THSD7A: variants seen among roughly 807,000 people sequenced by gnomAD.
THSD7A encodes thrombospondin type 1 domain containing 7A.
In THSD7A, 96 loss-of-function variants were observed where a neutral mutation model predicts 231.3. The observed-to-expected ratio is 0.41, with a 90% CI of 0.35 to 0.49. The LOEUF (loss-of-function observed/expected upper bound fraction) is 0.49, where lower values mean the gene tolerates loss of function less well. Ranked by LOEUF, THSD7A falls within the 20% of genes least tolerant of loss-of-function variation. The pLI is 0.05. For synonymous variants in THSD7A, 940 were observed against 743.3 expected (o/e 1.26, Z -4.30); for missense variants, 2,290 against 2,070.2 (o/e 1.11, Z -2.06).
intron 15 of THSD7A, among the ~76,000 whole-genome samples, chr7:11,426,039 C>T (rs1241574325): frequency 6.8e-6 from 1 of 148,148 alleles, no homozygotes; most frequent in Admixed American, 6.9e-5. Context: ...GCACATGTAC[C>T]CTAAAACTTA....
At chr7:11,619,966 C>T (rs1781249735) in intron 2 of THSD7A, among the ~76,000 whole-genome samples, 1 of 152,136 alleles carries the variant, frequency 6.6e-6, no homozygotes. Flanking sequence ...TAGAAGAAGG[C>T]TCTAGTTTGG....
intron 23 of THSD7A, among the ~76,000 whole-genome samples, chr7:11,386,229 C>A (rs546230879): frequency 7.3e-4 from 111 of 152,262 alleles, no homozygotes; most frequent in African/African-American, 2.5e-3. Flanking sequence ...TATGTATATA[C>A]CCAGTAATGG....
At chr7:11,750,279 GA>G (rs1206267479) in intron 1 of THSD7A, among the ~76,000 whole-genome samples, 2 of 151,710 alleles carry the variant, frequency 1.3e-5, no homozygotes, top group Non-Finnish European at 2.9e-5. Context: ...TGTATGTTAG[GA>G]ACACCTTGCC....
At chr7:11,585,867 G>T (rs190366296) in intron 4 of THSD7A, among the ~76,000 whole-genome samples, 1 of 152,132 alleles carries the variant, frequency 6.6e-6, no homozygotes, top group East Asian at 1.9e-4. Context: ...AATACCCAGA[G>T]AAAACCCATG....
chr7:11,445,988 CA>C, intron 13 of THSD7A, 72 bp downstream of exon 13: 1 of 1,560,632 alleles, frequency 6.4e-7, no homozygotes, highest in Non-Finnish European at 8.8e-7. Context: ...ACTTCCATTC[CA>C]CTATGATGCG....
chr7:11,653,448 ATG>A (rs60933989), intron 1 of THSD7A, among the ~76,000 whole-genome samples: 15,723 of 126,742 alleles, frequency 0.12, 881 homozygotes, highest in African/African-American at 0.17. Context: ...ACTCCCAGAT[ATG>A]TGTGTGTGTG....
intron 4 of THSD7A, among the ~76,000 whole-genome samples, chr7:11,550,126 C>T (rs1351961254): frequency 2.0e-5 from 3 of 152,012 alleles, no homozygotes; most frequent in South Asian, 4.2e-4. Flanking sequence ...CCTGATAAGA[C>T]ACTTCAGCAA....
At chr7:11,413,690 G>A (rs552619851) in intron 17 of THSD7A, 2 of 152,336 alleles carry the variant, frequency 1.3e-5, no homozygotes, top group East Asian at 3.9e-4. Flanking sequence ...TGGGAGAGGA[G>A]AGGAACCTGA....
chr7:11,734,274 G>C (rs1526540), intron 1 of THSD7A, among the ~76,000 whole-genome samples: 43,112 of 151,822 alleles, frequency 0.28, 7,362 homozygotes, highest in Admixed American at 0.4. Context: ...ACCACAGGCA[G>C]GTGAATTATT....
At chr7:11,664,121 C>T (rs946324235) in intron 1 of THSD7A, among the ~76,000 whole-genome samples, 2 of 151,556 alleles carry the variant, frequency 1.3e-5, no homozygotes, top group Non-Finnish European at 1.5e-5. Context: ...TATTGATATT[C>T]CTCAGTCCCT....
chr7:11,567,646 G>C (rs951737800), intron 4 of THSD7A, among the ~76,000 whole-genome samples: 1 of 152,136 alleles, frequency 6.6e-6, no homozygotes, highest in Admixed American at 6.6e-5. Context: ...ATCTGATTTA[G>C]GGTAACTGTT....
intron 1 of THSD7A, among the ~76,000 whole-genome samples, chr7:11,693,970 T>A (rs1164543362): frequency 6.6e-6 from 1 of 151,622 alleles, no homozygotes; most frequent in Non-Finnish European, 1.5e-5. Context: ...ATGATTTTGT[T>A]TCCTGGTCTA....
At chr7:11,420,846 G>C (rs1247704842) in intron 16 of THSD7A, among the ~76,000 whole-genome samples, 1 of 152,148 alleles carries the variant, frequency 6.6e-6, no homozygotes, top group Non-Finnish European at 1.5e-5. Flanking sequence ...TTGTGTCCTG[G>C]ATGTGAGACA....
chr7:11,685,854 G>C (rs555599262), intron 1 of THSD7A, among the ~76,000 whole-genome samples: 3 of 151,986 alleles, frequency 2.0e-5, no homozygotes, highest in African/African-American at 7.2e-5. Context: ...TGACCCAGCA[G>C]TCCCATTACT....
intron 2 of THSD7A, among the ~76,000 whole-genome samples, chr7:11,608,631 A>G (rs1780816121): frequency 6.6e-6 from 1 of 152,156 alleles, no homozygotes; most frequent in South Asian, 2.1e-4. Context: ...AATTCGTAAA[A>G]ATATAAGAAA....
At chr7:11,768,143 C>G (rs1371414814) in intron 1 of THSD7A, among the ~76,000 whole-genome samples, 1 of 152,092 alleles carries the variant, frequency 6.6e-6, no homozygotes, top group Non-Finnish European at 1.5e-5. Context: ...CCATACTTGG[C>G]AGGACTATTC....
At chr7:11,830,454 C>T (rs1785160563) in intron 1 of THSD7A, among the ~76,000 whole-genome samples, 1 of 152,230 alleles carries the variant, frequency 6.6e-6, no homozygotes, top group South Asian at 2.1e-4. Context: ...AATTAGAGAT[C>T]TTCAAATCTT....
At chr7:11,495,692 A>C (rs1787068755) in intron 6 of THSD7A, among the ~76,000 whole-genome samples, 1 of 152,144 alleles carries the variant, frequency 6.6e-6, no homozygotes, top group South Asian at 2.1e-4. Context: ...GCACATATTA[A>C]AGATGGAATA....
chr7:11,761,650 C>T (rs1013007523), intron 1 of THSD7A, among the ~76,000 whole-genome samples: 3 of 152,094 alleles, frequency 2.0e-5, no homozygotes, highest in African/African-American at 7.2e-5. Flanking sequence ...AAATACCTTC[C>T]AAGTGACTTG....
Sources: allele counts gnomAD v4.1 joint callset (sites outside exome capture counted in the v4.1 genomes callset), GRCh38; gene constraint gnomAD v4.1.1; transcripts MANE v1.5; gene names NCBI Gene and HGNC (gene_info 2026-07-23, HGNC 2026-07-21).